ZRANB3: variants seen among roughly 807,000 people sequenced by gnomAD.
ZRANB3 encodes zinc finger RANBP2-type containing 3, also known as DNA annealing helicase and endonuclease ZRANB3.
Under a neutral mutation model 133.8 loss-of-function variants are expected in ZRANB3, and 125 were observed. The observed-to-expected ratio is 0.93, with a 90% CI of 0.81 to 1.08. The LOEUF is 1.08. Among genes scored for constraint, ZRANB3 ranks in the 50% least tolerant of loss-of-function variants. The pLI is 0.00. For missense variants in ZRANB3, 1,229 were observed against 1,275.5 expected, an observed-to-expected ratio of 0.96 and a Z score of 0.56; for synonymous variants, 387 against 432.7, an observed-to-expected ratio of 0.89 and a Z score of 1.31.
intron 19 of ZRANB3, among the ~76,000 whole-genome samples, chr2:135,205,420 C>A (rs1267205542): frequency 1.3e-5 from 2 of 152,172 alleles, no homozygotes; most frequent in Non-Finnish European, 2.9e-5. Context: ...CAGGTGCATG[C>A]TACCACACCT....
chr2:135,296,440 A>C (rs1389981989), intron 8 of ZRANB3, among the ~76,000 whole-genome samples: 2 of 151,748 alleles, frequency 1.3e-5, no homozygotes, highest in Non-Finnish European at 2.9e-5. Flanking sequence ...AGGTCCTTTA[A>C]GTACTTTTGT....
chr2:135,383,493 G>A (rs191864380), intron 3 of ZRANB3, among the ~76,000 whole-genome samples: 55 of 152,208 alleles, frequency 3.6e-4, no homozygotes, highest in African/African-American at 1.2e-3. Context: ...GCACCAAGCG[G>A]ACCTAATAGA....
chr2:135,414,807 A>G (rs556001446), intron 2 of ZRANB3, among the ~76,000 whole-genome samples: 1 of 152,178 alleles, frequency 6.6e-6, no homozygotes, highest in African/African-American at 2.4e-5. Flanking sequence ...ATCTCACTCA[A>G]AACTGCTCAA....
At chr2:135,347,907 C>G (rs974504565) in intron 5 of ZRANB3, among the ~76,000 whole-genome samples, 2 of 151,998 alleles carry the variant, frequency 1.3e-5, no homozygotes, top group South Asian at 4.1e-4. Context: ...CCTTAACACA[C>G]TGGAAAAGTA....
intron 2 of ZRANB3, among the ~76,000 whole-genome samples, chr2:135,421,958 C>T (rs1688872225): frequency 7.0e-6 from 1 of 142,182 alleles, no homozygotes; most frequent in South Asian, 2.3e-4. Context: ...TTTCCTTCAT[C>T]TCTCTACAAT....
At chr2:135,223,535 C>T (rs1694637913) in intron 15 of ZRANB3, among the ~76,000 whole-genome samples, 1 of 151,828 alleles carries the variant, frequency 6.6e-6, no homozygotes, top group Admixed American at 6.6e-5. Context: ...ACCACGTTGG[C>T]CAGGCTGCTC....
chr2:135,403,646 ACT>A, intron 2 of ZRANB3, among the ~76,000 whole-genome samples: 1 of 152,204 alleles, frequency 6.6e-6, no homozygotes. Context: ...GAACAGATAG[ACT>A]GCCTCCTCAA....
rs111857645 is a variant in ZRANB3, at chr2:135,216,493, A to G, written c.2495+972T>C. ...CTTACTCTGTTGCCCAGGCTGGAGC[A>G]CAGTGGTACAATCTCAGTTCACTGC... On this transcript the variant is annotated intron_variant, in intron 17 of 20. Transcript: ENST00000264159. Among the ~76,000 whole-genome samples the G allele has an allele frequency of 3.0e-3, 452 of 152,238 alleles. 3 individuals carry two copies. Among genetic ancestry groups the G allele is most frequent in the African/African-American group, 0.01 (421 of 41,530 alleles).
At chr2:135,339,513 T>C (rs1020713969) in intron 6 of ZRANB3, among the ~76,000 whole-genome samples, 3 of 152,004 alleles carry the variant, frequency 2.0e-5, no homozygotes, top group African/African-American at 7.3e-5. Flanking sequence ...GCCAAGGCAG[T>C]TGAGGCTACA....
At chr2:135,331,934 T>C (rs971849650) in intron 6 of ZRANB3, among the ~76,000 whole-genome samples, 26 of 152,102 alleles carry the variant, frequency 1.7e-4, no homozygotes, top group Non-Finnish European at 2.8e-4. Context: ...TGAATAACTT[T>C]CCAAAATGAA....
chr2:135,443,084 C>A (rs548845100), intron 2 of ZRANB3, among the ~76,000 whole-genome samples: 2 of 151,268 alleles, frequency 1.3e-5, no homozygotes, highest in South Asian at 4.2e-4. Flanking sequence ...CCACTGCACT[C>A]CAGCCTAGGC....
intron 8 of ZRANB3, among the ~76,000 whole-genome samples, chr2:135,286,234 T>C (rs1681358086): frequency 6.6e-6 from 1 of 152,182 alleles, no homozygotes; most frequent in South Asian, 2.1e-4. Flanking sequence ...TCTCACCCTT[T>C]CCCCAAGTTC....
At chr2:135,497,606 GA>G (rs1692735073) in intron 2 of ZRANB3, among the ~76,000 whole-genome samples, 1 of 152,148 alleles carries the variant, frequency 6.6e-6, no homozygotes. Context: ...CATCACAGCG[GA>G]AAGTTCCATT....
intron 1 of ZRANB3, among the ~76,000 whole-genome samples, chr2:135,520,155 G>A (rs960833941): frequency 5.9e-5 from 9 of 151,318 alleles, no homozygotes; most frequent in Non-Finnish European, 1.0e-4. Context: ...AGGCCGAGGC[G>A]GGTGGATAAT....
At chr2:135,370,489 T>C (rs1277596068) in intron 3 of ZRANB3, among the ~76,000 whole-genome samples, 1 of 152,102 alleles carries the variant, frequency 6.6e-6, no homozygotes, top group African/African-American at 2.4e-5. Context: ...TCATCCAGGT[T>C]GCTGCGAATG....
chr2:135,470,857 A>G (rs1574153524), intron 2 of ZRANB3, among the ~76,000 whole-genome samples: 1 of 145,134 alleles, frequency 6.9e-6, no homozygotes, highest in African/African-American at 2.6e-5. Context: ...GCTGGAGTGC[A>G]GTGGCGCAAT....
rs138549589 is a variant in ZRANB3, at chr2:135,298,949, G to A, written c.966+14540C>T. On this transcript the variant is annotated intron_variant, in intron 8 of 20. Coordinates refer to ENST00000264159, the MANE Select transcript of ZRANB3 (RefSeq NM_032143.4). ...AATGGCTTGAGTTGGCTGGCCTCCA[G>A]CCAGGAGGGGGTGCTTTCAAGAGAA... Among the ~76,000 whole-genome samples, 299 of 152,256 alleles carry A rather than the reference G, an allele frequency of 2.0e-3. 1 individual carries two copies. Among genetic ancestry groups the A allele is most frequent in the Non-Finnish European group, 2.2e-3 (149 of 68,004 alleles).
intron 2 of ZRANB3, among the ~76,000 whole-genome samples, chr2:135,391,316 T>G (rs556239489): frequency 9.2e-5 from 14 of 152,318 alleles, no homozygotes; most frequent in East Asian, 3.9e-4. Context: ...TATGGCTACG[T>G]GGGAGTGTTA....
intron 3 of ZRANB3, among the ~76,000 whole-genome samples, chr2:135,361,882 C>T (rs1486641847): frequency 1.3e-5 from 2 of 152,042 alleles, no homozygotes; most frequent in Admixed American, 6.6e-5. Context: ...TTAGATGGTA[C>T]ACGTGATTAT....
Sources: allele counts gnomAD v4.1 joint callset (sites outside exome capture counted in the v4.1 genomes callset), GRCh38; gene constraint gnomAD v4.1.1; transcripts MANE v1.5; gene names NCBI Gene and HGNC (gene_info 2026-07-23, HGNC 2026-07-21).